The following EPHX2 variants were observed in gnomAD, a reference collection of about 807,000 sequenced individuals.
EPHX2 encodes epoxide hydrolase 2, also known as bifunctional epoxide hydrolase 2.
A neutral mutation model predicts 78.7 loss-of-function variants in EPHX2; 74 were observed. The ratio of observed to expected loss-of-function variants is 0.94; its 90% CI spans 0.78 to 1.14. EPHX2 has a LOEUF of 1.14. Ranked by LOEUF, EPHX2 falls within the 50% of genes most tolerant of loss-of-function variation. The pLI is 0.00. For missense variants in EPHX2, 715 were observed against 702.5 expected (o/e 1.02, Z -0.20); for synonymous variants, 251 against 255.2 (o/e 0.98, Z 0.16).
chr8:27,529,803 C>G (rs953021690), intron 12 of EPHX2, among the ~76,000 whole-genome samples: 2 of 149,648 alleles, frequency 1.3e-5, no homozygotes, highest in African/African-American at 4.9e-5. Flanking sequence ...CCCAGCTGCT[C>G]GGGAGGCTGA....
downstream of EPHX2, among the ~76,000 whole-genome samples, chr8:27,546,011 G>A (rs1239777736): frequency 1.3e-5 from 2 of 151,924 alleles, no homozygotes; most frequent in Non-Finnish European, 2.9e-5. Flanking sequence ...CTAGATGGGG[G>A]CAGAGCCTGG....
In EPHX2 at chr8:27,544,978, A is replaced by G. The variant is rs575746606; in HGVS notation, c.*456A>G. On this transcript the variant is annotated 3_prime_UTR_variant, in exon 19 of 19. Coordinates refer to ENST00000521400, the MANE Select transcript of EPHX2 (RefSeq NM_001979.6). ...TGACTGTTCACGGAGAATGCACGGC[A>G]TGGGGATGAACCCTTTCCCTCTGCT... 52 of 186,010 alleles carry G rather than the reference A, an allele frequency of 2.8e-4. No individual in the cohort carries two copies. Among genetic ancestry groups the G allele is most frequent in the Non-Finnish European group, 4.9e-4 (43 of 88,620 alleles). 11.5% of individuals were successfully genotyped at this position (186,010 alleles called of 1,614,324 possible). A position where few individuals can be genotyped will look rare whatever the true frequency, so the allele number is the denominator to read the frequency against.
chr8:27,523,989 G>T (rs894399120), intron 11 of EPHX2, among the ~76,000 whole-genome samples: 10 of 150,344 alleles, frequency 6.7e-5, no homozygotes, highest in African/African-American at 2.0e-4. Context: ...CTGGAGTGTA[G>T]TGGTGCAACC....
At chr8:27,521,333 G>A (rs1814640494) in intron 10 of EPHX2, among the ~76,000 whole-genome samples, 1 of 152,210 alleles carries the variant, frequency 6.6e-6, no homozygotes, top group African/African-American at 2.4e-5. Flanking sequence ...CAAATCAGCA[G>A]TGGTGAGCTG....
intron 11 of EPHX2, 65 bp downstream of exon 11, chr8:27,522,573 C>A: frequency 6.5e-7 from 1 of 1,529,372 alleles, no homozygotes; most frequent in South Asian, 1.1e-5. Context: ...GAGAATTGTT[C>A]CTCAGATCTT....
In EPHX2 at chr8:27,544,629, C is replaced by A; in HGVS notation, c.*107C>A. On this transcript the variant is annotated 3_prime_UTR_variant, in exon 19 of 19. Coordinates refer to ENST00000521400, the MANE Select transcript of EPHX2 (RefSeq NM_001979.6). ...TACACACATCTTGCATGGATGGCAG[C>A]ATTGTTCTGAAGGGGTTTGCAGAAA... 1 of 1,141,622 alleles carries A rather than the reference C, an allele frequency of 8.8e-7. No individual in the cohort carries two copies. Among genetic ancestry groups the A allele is most frequent in the Non-Finnish European group, 1.3e-6 (1 of 762,044 alleles). 70.7% of individuals were successfully genotyped at this position (1,141,622 alleles called of 1,614,324 possible).
At chr8:27,506,823 A>G in intron 4 of EPHX2, 49 bp from the exon 5 acceptor site, 1 of 1,596,340 alleles carries the variant, frequency 6.3e-7, no homozygotes, top group Non-Finnish European at 8.5e-7. Flanking sequence ...CCCTGTTTGC[A>G]TTCTGGTGAG....
intron 12 of EPHX2, among the ~76,000 whole-genome samples, chr8:27,528,290 G>A (rs577654414): frequency 2.6e-5 from 4 of 152,264 alleles, no homozygotes; most frequent in Non-Finnish European, 5.9e-5. Flanking sequence ...GCCTTGGCAG[G>A]GAAATGTTAG....
In EPHX2 at chr8:27,521,021, G is replaced by A. The variant is rs940772321; in HGVS notation, c.972+112G>A. The A allele has an allele frequency of 2.2e-5, 30 of 1,383,982 alleles. 1 individual carries two copies. In the African/African-American group the frequency reaches 3.0e-4, roughly 14 times the overall value. 85.7% of individuals were successfully genotyped at this position (1,383,982 alleles called of 1,614,324 possible). On this transcript the variant is annotated intron_variant, in intron 10 of 18. Transcript: ENST00000521400. The stretch of plus-strand genomic sequence containing the variant: ...TGCACGGGCAGGGAGGGCCCATTTT[G>A]GGGCAGTTTAGGGCAGAGTGGGCAT...
At chr8:27,546,118 G>A (rs1285658546), downstream of EPHX2, among the ~76,000 whole-genome samples, 1 of 143,372 alleles carries the variant, frequency 7.0e-6, no homozygotes, top group East Asian at 2.0e-4. Flanking sequence ...AACAGATTGA[G>A]ACTCCGACTC....
At chr8:27,502,307 T>A (rs1813830707) in intron 2 of EPHX2, among the ~76,000 whole-genome samples, 1 of 152,252 alleles carries the variant, frequency 6.6e-6, no homozygotes, top group South Asian at 2.1e-4. Flanking sequence ...TCCATCACAT[T>A]CATATACCCC....
At chr8:27,501,073 C>T in intron 2 of EPHX2, 63 bp downstream of exon 2, 1 of 1,461,442 alleles carries the variant, frequency 6.8e-7, no homozygotes, top group Non-Finnish European at 9.5e-7. Flanking sequence ...TGCCCATCTC[C>T]CCGAACTTGG....
At chr8:27,524,950 C>T (rs772362297) in intron 11 of EPHX2, among the ~76,000 whole-genome samples, 1 of 151,268 alleles carries the variant, frequency 6.6e-6, no homozygotes, top group Non-Finnish European at 1.5e-5. Context: ...GAATTATGCT[C>T]AATCCAGAGG....
intron 6 of EPHX2, 104 bp from the exon 7 acceptor site, chr8:27,515,614 C>A: frequency 1.1e-6 from 1 of 920,120 alleles, no homozygotes; most frequent in Non-Finnish European, 1.7e-6. Context: ...CATGCACAAT[C>A]CAGCAACGGA....
chr8:27,494,504 G>A (rs1813501280), intron 1 of EPHX2, among the ~76,000 whole-genome samples: 1 of 152,212 alleles, frequency 6.6e-6, no homozygotes, highest in Non-Finnish European at 1.5e-5. Context: ...TCTCTGTCTT[G>A]CAGGACAAGG....
chr8:27,520,805 A>T lies in EPHX2; in HGVS notation c.946-78A>T. ...CTTCAACACAGCAGTTTTGGGGAGGACGCAGTTCAGCCCATCATAAAGGCT... is the reference window on the plus strand; with the variant it reads ...CTTCAACACAGCAGTTTTGGGGAGGTCGCAGTTCAGCCCATCATAAAGGCT... On this transcript the variant is annotated intron_variant, in intron 9 of 18. Coordinates refer to ENST00000521400, the MANE Select transcript of EPHX2 (RefSeq NM_001979.6). The T allele has an allele frequency of 1.1e-5, 18 of 1,572,556 alleles. No individual in the cohort carries two copies. In the South Asian group the frequency reaches 2.0e-4, roughly 17 times the overall value.
chr8:27,492,485 G>A (rs920042605), intron 1 of EPHX2, among the ~76,000 whole-genome samples: 5 of 152,192 alleles, frequency 3.3e-5, no homozygotes, highest in South Asian at 2.1e-4. Context: ...CGGTGGGTTC[G>A]TGGTCTTGCT....
intron 9 of EPHX2, among the ~76,000 whole-genome samples, 197 bp from the exon 10 acceptor site, chr8:27,520,686 A>G (rs1217409512): frequency 6.6e-6 from 1 of 152,064 alleles, no homozygotes; most frequent in Non-Finnish European, 1.5e-5. Flanking sequence ...CCGTTGGATT[A>G]GGGCTCACCC....
chr8:27,538,293 G>A (rs1815277143), intron 13 of EPHX2, among the ~76,000 whole-genome samples: 1 of 152,142 alleles, frequency 6.6e-6, no homozygotes, highest in Non-Finnish European at 1.5e-5. Context: ...ATTTACCATG[G>A]AGGAGCATGG....
Sources: allele counts gnomAD v4.1 joint callset (sites outside exome capture counted in the v4.1 genomes callset), GRCh38; gene constraint gnomAD v4.1.1; transcripts MANE v1.5; gene names NCBI Gene and HGNC (gene_info 2026-07-23, HGNC 2026-07-21).